ZNF407: variants seen among roughly 807,000 people sequenced by gnomAD.
ZNF407 encodes zinc finger protein 407.
ZNF407 carries 17 observed loss-of-function variants against 131.2 expected under a neutral mutation model. The ratio of observed to expected loss-of-function variants is 0.13; its 90% confidence interval spans 0.09 to 0.19. ZNF407 has a LOEUF of 0.19. ZNF407 is among the 10% of genes least tolerant of loss of function. The pLI is 1.00. For missense variants in ZNF407, 2,681 were observed against 2,830.6 expected (o/e 0.95, Z 1.20); for synonymous variants, 1,156 against 1,062.0 (o/e 1.09, Z -1.72).
At chr18:74,620,092 G>T (rs1331925794) in intron 1 of ZNF407, among the ~76,000 whole-genome samples, 1 of 150,280 alleles carries the variant, frequency 6.7e-6, no homozygotes, top group African/African-American at 2.4e-5. Context: ...AATATTTTTT[G>T]AGTGGAGAAT....
At chr18:74,630,390 C>G (rs1198356036) in intron 1 of ZNF407, among the ~76,000 whole-genome samples, 2 of 152,094 alleles carry the variant, frequency 1.3e-5, no homozygotes, top group Non-Finnish European at 2.9e-5. Flanking sequence ...CCAGGATGGT[C>G]TCGATCTCCT....
rs71170316 is a variant in ZNF407 at position 74,763,196 on chromosome 18, C to CTTTTTTTTTTTTTTTTTTTTTTTTTTTT, written c.4803-18205_4803-18204insTTTTTTTTTTTTTTTTTTTTTTTTTTTT. On this transcript the variant is annotated intron_variant, in intron 3 of 8. Transcript: ENST00000299687. ...ATGATTTTGAGCATCTTCTTAGGAC[C>CTTTTTTTTTTTTTTTTTTTTTTTTTTTT]TTTTTTTTTTTTTTTTTTTTTTTTT... Among the ~76,000 whole-genome samples, 6 of 17,784 alleles carry CTTTTTTTTTTTTTTTTTTTTTTTTTTTT rather than the reference C, an allele frequency of 3.4e-4. 2 individuals carry two copies. Among genetic ancestry groups the CTTTTTTTTTTTTTTTTTTTTTTTTTTTT allele is most frequent in the East Asian group, 3.0e-3 (1 of 338 alleles). 11.7% of individuals were successfully genotyped at this position (17,784 alleles called of 152,430 possible).
intron 8 of ZNF407, among the ~76,000 whole-genome samples, chr18:74,995,242 G>A (rs1270964436): frequency 6.6e-6 from 1 of 152,174 alleles, no homozygotes; most frequent in Non-Finnish European, 1.5e-5. Context: ...CGATTTGAGT[G>A]TGCCAGGAGC....
At chr18:74,883,355 A>T (rs1373003407) in intron 6 of ZNF407, among the ~76,000 whole-genome samples, 1 of 152,182 alleles carries the variant, frequency 6.6e-6, no homozygotes, top group East Asian at 1.9e-4. Context: ...CCCCAAGGCC[A>T]GACTTGTATG....
intron 3 of ZNF407, among the ~76,000 whole-genome samples, chr18:74,694,375 T>C (rs1599075303): frequency 6.6e-6 from 1 of 152,280 alleles, no homozygotes; most frequent in South Asian, 2.1e-4. Context: ...ATCACTTTAT[T>C]TGATCTCTTG....
intron 1 of ZNF407, among the ~76,000 whole-genome samples, chr18:74,628,205 C>T (rs1599022990): frequency 1.3e-5 from 2 of 152,150 alleles, no homozygotes; most frequent in East Asian, 1.9e-4. Flanking sequence ...TATCTTTTTA[C>T]TCATTTTCAA....
chr18:74,831,864 A>G (rs771047195), intron 4 of ZNF407, among the ~76,000 whole-genome samples: 2 of 151,938 alleles, frequency 1.3e-5, no homozygotes, highest in African/African-American at 2.4e-5. Flanking sequence ...TGTGCTCCTG[A>G]CGCCCTTTAC....
intron 3 of ZNF407, among the ~76,000 whole-genome samples, chr18:74,671,343 A>G (rs1411802866): frequency 2.7e-5 from 4 of 150,828 alleles, no homozygotes; most frequent in African/African-American, 9.8e-5. Context: ...TTTTTTGGCC[A>G]TTACAGGTAA....
intron 3 of ZNF407, among the ~76,000 whole-genome samples, chr18:74,724,887 T>A (rs965071590): frequency 4.6e-5 from 7 of 152,224 alleles, no homozygotes; most frequent in African/African-American, 1.4e-4. Flanking sequence ...TTAATAGTAA[T>A]GTTTAAAGTT....
At chr18:74,977,532 A>G (rs1188327939) in intron 8 of ZNF407, among the ~76,000 whole-genome samples, 2 of 152,196 alleles carry the variant, frequency 1.3e-5, no homozygotes, top group African/African-American at 4.8e-5. Context: ...CCCCTTCTTG[A>G]CTTTAAGTCT....
intron 8 of ZNF407, among the ~76,000 whole-genome samples, chr18:74,929,713 C>T (rs559990103): frequency 3.9e-5 from 6 of 152,192 alleles, no homozygotes; most frequent in African/African-American, 9.6e-5. Flanking sequence ...CAGCTGAAGC[C>T]GTTTACTAAA....
At chr18:74,638,974 A>C (rs2144684911) in intron 2 of ZNF407, among the ~76,000 whole-genome samples, 1 of 152,120 alleles carries the variant, frequency 6.6e-6, no homozygotes, top group Non-Finnish European at 1.5e-5. Context: ...TTTTTATGGC[A>C]CAGAAAGGAG....
At chr18:74,830,351 C>T (rs561998038) in intron 4 of ZNF407, among the ~76,000 whole-genome samples, 6 of 152,264 alleles carry the variant, frequency 3.9e-5, no homozygotes, top group African/African-American at 7.2e-5. Context: ...AGTGTGATCA[C>T]GGCTCGCTGC....
chr18:75,018,394 A>G (rs1219615646), intron 8 of ZNF407, among the ~76,000 whole-genome samples: 2 of 152,104 alleles, frequency 1.3e-5, no homozygotes, highest in Non-Finnish European at 2.9e-5. Context: ...ATGATAAAAT[A>G]TGTCATATTA....
chr18:75,019,059 A>G (rs1973077174), intron 8 of ZNF407, among the ~76,000 whole-genome samples: 2 of 152,142 alleles, frequency 1.3e-5, no homozygotes, highest in South Asian at 2.1e-4. Context: ...AAATCCCTCA[A>G]TTAATCATCA....
At chr18:74,933,155 G>A (rs1339085554) in intron 8 of ZNF407, among the ~76,000 whole-genome samples, 1 of 152,154 alleles carries the variant, frequency 6.6e-6, no homozygotes, top group Non-Finnish European at 1.5e-5. Context: ...TCCATCAACA[G>A]AAGAATGGAT....
At chr18:74,917,325 A>G (rs1291988666) in intron 7 of ZNF407, among the ~76,000 whole-genome samples, 3 of 152,226 alleles carry the variant, frequency 2.0e-5, no homozygotes, top group Non-Finnish European at 1.5e-5. Flanking sequence ...ACAAATATAC[A>G]TACACATATG....
intron 8 of ZNF407, chr18:74,920,981 G>T: frequency 9.3e-7 from 1 of 1,080,580 alleles, no homozygotes; most frequent in Non-Finnish European, 1.1e-6. Context: ...TGAAATGAGA[G>T]TAGTTGTTAA....
intron 4 of ZNF407, among the ~76,000 whole-genome samples, chr18:74,828,839 T>C (rs1970445003): frequency 6.6e-6 from 1 of 152,252 alleles, no homozygotes; most frequent in South Asian, 2.1e-4. Flanking sequence ...AAGGGGTTAA[T>C]TTTCATTGTT....
Sources: gnomAD v4.1 joint callset for allele counts (sites outside exome capture counted in the v4.1 genomes callset) on GRCh38, gnomAD v4.1.1 for gene constraint, MANE v1.5 for transcripts, NCBI Gene and HGNC (gene_info 2026-07-23, HGNC 2026-07-21) for gene names.